RALY: variants seen among roughly 807,000 people sequenced by gnomAD.
RALY encodes RNA-binding protein Raly.
Under a neutral mutation model 30.7 loss-of-function variants are expected in RALY, and 15 were observed. The ratio of observed to expected loss-of-function variants is 0.49; its 90% confidence interval spans 0.33 to 0.75. RALY has a LOEUF of 0.75. RALY is among the 30% of genes least tolerant of loss of function. RALY has a pLI of 0.02. For synonymous variants in RALY, 177 were observed against 170.8 expected (o/e 1.04, Z -0.28); for missense variants, 339 against 414.3 (o/e 0.82, Z 1.58).
At chr20:34,073,082 A>G (rs867656124) in intron 3 of RALY, among the ~76,000 whole-genome samples, 2 of 152,334 alleles carry the variant, frequency 1.3e-5, no homozygotes, top group Admixed American at 1.3e-4. Context: ...TAGAACATCC[A>G]TGTGAATGTG....
intron 2 of RALY, among the ~76,000 whole-genome samples, chr20:34,039,172 AG>A (rs1241493228): frequency 1.3e-5 from 2 of 152,258 alleles, no homozygotes; most frequent in Admixed American, 1.3e-4. Context: ...AGCCTGCAGC[AG>A]GAACAGTTAA....
At chr20:34,011,818 C>A (rs1458731461) in intron 1 of RALY, among the ~76,000 whole-genome samples, 1 of 152,132 alleles carries the variant, frequency 6.6e-6, no homozygotes, top group Non-Finnish European at 1.5e-5. Context: ...GTAATCCCAG[C>A]ACTTTGGGAG....
Position 34,075,902 on chromosome 20 carries a change from C to T in RALY, c.406C>T (p.Pro136Ser), listed in dbSNP as rs144940499. 1.9e-6 allele frequency: 3 copies of T among 1,613,868 alleles called. No homozygotes were observed. The highest frequency in any genetic ancestry group is 2.5e-6 in the Non-Finnish European group (3 of 1,179,920). The change falls in exon 6 of 10, where the codon CCC (proline) becomes TCC (serine). Residue 136 changes from proline to serine, a missense_variant. Around this residue, in one of 2 missense-constraint regions of RALY, gnomAD observed 268 missense variants for 280.6 expected, o/e 0.95. Coordinates refer to ENST00000246194, the MANE Select transcript of RALY (RefSeq NM_016732.3). ...CTTCGACTACCGGGGCCGTCTGTCGCCCGTGCCAGTGCCCAGGGCGGTCCC... is the reference window on the plus strand; with the variant it reads ...CTTCGACTACCGGGGCCGTCTGTCGTCCGTGCCAGTGCCCAGGGCGGTCCC... Reference protein sequence around the residue: ...RLFDYRGRLSPVPVPRAVPVK... With the variant: ...RLFDYRGRLSSVPVPRAVPVK...
chr20:34,075,000 G>T (rs565760207), intron 5 of RALY, among the ~76,000 whole-genome samples: 2 of 152,266 alleles, frequency 1.3e-5, no homozygotes, highest in South Asian at 4.1e-4. Context: ...GAAAAAGGTG[G>T]CAGCAACAGA....
rs2034040199 is a variant in RALY, at chr20:34,082,149, C to T, written c.*2244C>T. The T allele has an allele frequency of 6.6e-6, 1 of 152,346 alleles. No homozygotes were observed. The highest frequency in any genetic ancestry group is 1.5e-5 in the Non-Finnish European group (1 of 68,130). 9.4% of individuals were successfully genotyped at this position (152,346 alleles called of 1,614,324 possible). ...TCTCCCTGAAGAGCTCTCAGTGGAA[C>T]ATACTTCACCCATCCATGTACCCAC... On this transcript the variant is annotated 3_prime_UTR_variant, in exon 10 of 10. Coordinates refer to ENST00000246194, the MANE Select transcript of RALY (RefSeq NM_016732.3).
chr20:34,038,799 T>G (rs1242362863), intron 2 of RALY, among the ~76,000 whole-genome samples: 2 of 152,216 alleles, frequency 1.3e-5, no homozygotes, highest in African/African-American at 2.4e-5. Context: ...ATGGGAATAA[T>G]AATGCCTACT....
chr20:34,084,866 CGTT>C lies in RALY; in HGVS notation c.*4965_*4967del, dbSNP rs2034078220. On this transcript the variant is annotated 3_prime_UTR_variant, in exon 10 of 10. Transcript: ENST00000246194. ...CCCAGCACCATGAGAGATAATAAAA[CGTT>C]GTTTGAAGATGCTAACTTTTGGAGT... 1 of 152,278 alleles carries C rather than the reference CGTT, an allele frequency of 6.6e-6. No individual in the cohort carries two copies. The highest frequency in any genetic ancestry group is 1.9e-4 in the East Asian group (1 of 5,202). 9.4% of individuals were successfully genotyped at this position (152,278 alleles called of 1,614,324 possible). A position where few individuals can be genotyped will look rare whatever the true frequency, so the allele number is the denominator to read the frequency against.
intron 2 of RALY, among the ~76,000 whole-genome samples, chr20:34,056,520 G>T (rs979293811): frequency 1.3e-5 from 2 of 152,146 alleles, no homozygotes; most frequent in African/African-American, 4.8e-5. Flanking sequence ...AACCTCTGTA[G>T]TTTTATACAG....
At chr20:34,045,673 T>G (rs145770658) in intron 2 of RALY, among the ~76,000 whole-genome samples, 1 of 152,360 alleles carries the variant, frequency 6.6e-6, no homozygotes, top group Non-Finnish European at 1.5e-5. Flanking sequence ...GAATCCCATT[T>G]AATACCTTCA....
chr20:34,020,941 GTCTTTT>G (rs923496580), intron 1 of RALY, among the ~76,000 whole-genome samples: 1 of 151,722 alleles, frequency 6.6e-6, no homozygotes, highest in Admixed American at 6.6e-5. Flanking sequence ...GAAAGTCATT[GTCTTTT>G]TCTTTTTTTT....
chr20:34,039,521 C>T (rs1555804567), intron 2 of RALY, among the ~76,000 whole-genome samples: 1 of 152,130 alleles, frequency 6.6e-6, no homozygotes, highest in African/African-American at 2.4e-5. Flanking sequence ...TTTTTTCTGG[C>T]TCTTGTGTTT....
At chr20:34,033,712 A>G (rs2032371161) in intron 2 of RALY, among the ~76,000 whole-genome samples, 1 of 152,144 alleles carries the variant, frequency 6.6e-6, no homozygotes, top group Admixed American at 6.5e-5. Flanking sequence ...AACATTGGGG[A>G]TCAGATTTCA....
At chr20:34,028,705 CAAAAAAAAAA>C (rs71338492) in intron 1 of RALY, among the ~76,000 whole-genome samples, 6 of 20,446 alleles carry the variant, frequency 2.9e-4, no homozygotes, top group South Asian at 2.9e-3. Flanking sequence ...GACTCCATCT[CAAAAAAAAAA>C]AAAAAAAAAA....
intron 4 of RALY, 56 bp from the exon 5 acceptor site, chr20:34,073,763 A>G: frequency 6.3e-7 from 1 of 1,587,648 alleles, no homozygotes; most frequent in Middle Eastern, 1.7e-4. Flanking sequence ...GGGCCTGTGG[A>G]AAGTGGGCTG....
At chr20:34,074,845 C>T (rs1035541772) in intron 5 of RALY, among the ~76,000 whole-genome samples, 1 of 152,178 alleles carries the variant, frequency 6.6e-6, no homozygotes, top group Non-Finnish European at 1.5e-5. Flanking sequence ...CAGAGACTCT[C>T]CATCTGCAGC....
chr20:34,051,201 A>C (rs1410964371), intron 2 of RALY, among the ~76,000 whole-genome samples: 1 of 152,182 alleles, frequency 6.6e-6, no homozygotes, highest in Non-Finnish European at 1.5e-5. Flanking sequence ...TGAGGGAAGC[A>C]GTGTAAGGAT....
At chr20:34,023,213 T>G (rs536613667) in intron 1 of RALY, among the ~76,000 whole-genome samples, 2 of 152,334 alleles carry the variant, frequency 1.3e-5, no homozygotes, top group East Asian at 1.9e-4. Context: ...GGTAGGTGAT[T>G]TAATCACCAT....
chr20:34,057,492 C>T (rs2033283002), intron 2 of RALY, among the ~76,000 whole-genome samples: 1 of 151,926 alleles, frequency 6.6e-6, no homozygotes, highest in Non-Finnish European at 1.5e-5. Context: ...ACGGTGAAAC[C>T]CTGTCTCTAC....
In RALY at chr20:34,076,553, AAGG is replaced by A. The variant is rs561468712; in HGVS notation, c.545-143_545-141del. The A allele has an allele frequency of 9.3e-5, 61 of 658,274 alleles. 1 individual carries two copies. The South Asian group carries it at 1.1e-3, about 11-fold the overall frequency. 40.8% of individuals were successfully genotyped at this position (658,274 alleles called of 1,614,324 possible). On this transcript the variant is annotated intron_variant, in intron 6 of 9. Coordinates refer to ENST00000246194, the MANE Select transcript of RALY (RefSeq NM_016732.3). ...TGTAGGGATGGACGCCAGGTAGTCT[AAGG>A]AGGAGACCTTTTTCCTAAGCAGGGA...
Sources: gnomAD v4.1 joint callset for allele counts (sites outside exome capture counted in the v4.1 genomes callset) on GRCh38, gnomAD v4.1.1 for gene constraint, gnomAD v4.1.1 regional missense constraint, MANE v1.5 for transcripts, NCBI Gene and HGNC (gene_info 2026-07-23, HGNC 2026-07-21) for gene names.